The following MAML3 variants were observed in gnomAD, a reference collection of about 807,000 sequenced individuals.
The protein encoded by MAML3 is mastermind-like protein 3.
In MAML3, 27 loss-of-function variants were observed where a neutral mutation model predicts 101.9. That is an observed-to-expected ratio of 0.27 (90% CI 0.20 to 0.37). MAML3 has a LOEUF of 0.37. MAML3 is among the 10% of genes least tolerant of loss of function. The probability of loss-of-function intolerance (pLI) is 1.00; values close to 1 mark genes in which losing one functional copy is unlikely to be tolerated. For synonymous variants in MAML3, 501 were observed against 555.9 expected, an observed-to-expected ratio of 0.90 and a Z score of 1.39; for missense variants, 1,316 against 1,444.9, an observed-to-expected ratio of 0.91 and a Z score of 1.45.
chr4:139,998,884 CCT>C (rs1479620576), intron 1 of MAML3, among the ~76,000 whole-genome samples: 1 of 152,112 alleles, frequency 6.6e-6, no homozygotes, highest in African/African-American at 2.4e-5. Flanking sequence ...ATTTGTTACC[CCT>C]GTTTCTGCAT....
intron 2 of MAML3, among the ~76,000 whole-genome samples, chr4:139,888,253 CCAGTGCTTCTAAAGT>C (rs1732381654): frequency 6.6e-6 from 1 of 152,142 alleles, no homozygotes; most frequent in Non-Finnish European, 1.5e-5. Context: ...GCGTTATTTC[CCAGTGCTTCTAAAGT>C]ACTCAACTGT....
intron 1 of MAML3, among the ~76,000 whole-genome samples, chr4:139,952,151 G>A (rs922561481): frequency 6.6e-6 from 1 of 152,072 alleles, no homozygotes; most frequent in Non-Finnish European, 1.5e-5. Context: ...AGGGACAAAA[G>A]CGAAACTCCA....
At chr4:139,946,175 T>C (rs1223238852) in intron 1 of MAML3, among the ~76,000 whole-genome samples, 5 of 152,224 alleles carry the variant, frequency 3.3e-5, no homozygotes, top group Non-Finnish European at 5.9e-5. Context: ...ATATGTAACA[T>C]TGGAAAACTT....
At chr4:140,097,179 C>T (rs1728178003) in intron 1 of MAML3, among the ~76,000 whole-genome samples, 1 of 152,194 alleles carries the variant, frequency 6.6e-6, no homozygotes, top group Non-Finnish European at 1.5e-5. Context: ...ACCTCCCCAT[C>T]CATGCAAAAC....
intron 2 of MAML3, among the ~76,000 whole-genome samples, chr4:139,831,298 T>A (rs1731159249): frequency 6.6e-6 from 1 of 152,184 alleles, no homozygotes; most frequent in African/African-American, 2.4e-5. Flanking sequence ...TAATGATTTT[T>A]AAAAACCCAA....
At chr4:140,028,744 A>T (rs1248291006) in intron 1 of MAML3, among the ~76,000 whole-genome samples, 1 of 152,126 alleles carries the variant, frequency 6.6e-6, no homozygotes, top group Admixed American at 6.5e-5. Flanking sequence ...TATTCATTTA[A>T]TGCTAGGCCT....
intron 2 of MAML3, among the ~76,000 whole-genome samples, chr4:139,852,228 T>G (rs180701196): frequency 4.3e-4 from 65 of 152,240 alleles, no homozygotes; most frequent in African/African-American, 1.5e-3. Flanking sequence ...GGCATAGCAA[T>G]TTTGGGGGTA....
intron 1 of MAML3, among the ~76,000 whole-genome samples, chr4:140,075,712 T>A (rs1219003862): frequency 6.6e-6 from 1 of 151,312 alleles, no homozygotes; most frequent in South Asian, 2.1e-4. Context: ...AATTTCAAAT[T>A]TTTTTTGTAG....
chr4:140,103,404 T>G (rs1467172392), intron 1 of MAML3, among the ~76,000 whole-genome samples: 4 of 152,178 alleles, frequency 2.6e-5, no homozygotes, highest in Non-Finnish European at 5.9e-5. Context: ...GAACAATAAT[T>G]TAAAGTGGCT....
At chr4:139,749,304 A>G (rs927825507) in intron 2 of MAML3, among the ~76,000 whole-genome samples, 1 of 152,252 alleles carries the variant, frequency 6.6e-6, no homozygotes, top group African/African-American at 2.4e-5. Flanking sequence ...TTAAATGCAA[A>G]AAAAGTTTTC....
intron 1 of MAML3, among the ~76,000 whole-genome samples, chr4:140,091,538 AAAAAC>A (rs1282094243): frequency 4.5e-5 from 1 of 22,206 alleles, no homozygotes; most frequent in African/African-American, 7.5e-5. Context: ...ACAACAAAAC[AAAAAC>A]AAAACAAAAA....
intron 2 of MAML3, among the ~76,000 whole-genome samples, chr4:139,809,457 TACCC>T (rs1730755369): frequency 6.6e-6 from 1 of 152,208 alleles, no homozygotes; most frequent in African/African-American, 2.4e-5. Flanking sequence ...TACCCTCTGT[TACCC>T]ATGCTTATTT....
chr4:139,942,850 G>C (rs1306145761), intron 1 of MAML3, among the ~76,000 whole-genome samples: 1 of 152,096 alleles, frequency 6.6e-6, no homozygotes, highest in Non-Finnish European at 1.5e-5. Context: ...ATCACACAGA[G>C]ACAAACCATT....
intron 2 of MAML3, among the ~76,000 whole-genome samples, chr4:139,768,208 T>C (rs555421969): frequency 6.7e-6 from 1 of 148,702 alleles, no homozygotes; most frequent in South Asian, 2.2e-4. Context: ...GTTGTCTCTT[T>C]ACTCTGTTGA....
chr4:139,954,034 G>A (rs1385098835), intron 1 of MAML3, among the ~76,000 whole-genome samples: 2 of 152,188 alleles, frequency 1.3e-5, no homozygotes, highest in Admixed American at 1.3e-4. Context: ...TTCTGAGGTG[G>A]AGCTCAGGAA....
intron 1 of MAML3, among the ~76,000 whole-genome samples, chr4:140,118,791 C>T (rs1372295865): frequency 6.6e-6 from 1 of 152,160 alleles, no homozygotes; most frequent in African/African-American, 2.4e-5. Context: ...GAGAGCCTAA[C>T]ATTCTCTCCG....
intron 1 of MAML3, among the ~76,000 whole-genome samples, chr4:140,126,371 A>T (rs539797911): frequency 6.6e-6 from 1 of 152,164 alleles, no homozygotes; most frequent in Admixed American, 6.5e-5. Context: ...ATCCTATTGT[A>T]AACCCTCTAA....
rs116474387 is a variant in MAML3, at chr4:139,727,562, C to A, written c.2332-1727G>T. ...CATATAAATCACATAAGCTCAGTTT[C>A]CCCACATAACCTCAGTTCCTCATTT... On this transcript the variant is annotated intron_variant, in intron 3 of 4. Transcript: ENST00000509479. Among the ~76,000 whole-genome samples the A allele has an allele frequency of 9.0e-3, 1,375 of 152,256 alleles. 20 individuals carry two copies. The highest frequency in any genetic ancestry group is 0.032 in the African/African-American group (1,316 of 41,538).
chr4:140,002,814 A>G (rs994362220), intron 1 of MAML3, among the ~76,000 whole-genome samples: 35 of 152,206 alleles, frequency 2.3e-4, no homozygotes, highest in African/African-American at 7.5e-4. Context: ...GGCAGAAAGG[A>G]AACTTGTGCA....
Sources: gnomAD v4.1 joint callset for allele counts (sites outside exome capture counted in the v4.1 genomes callset) on GRCh38, gnomAD v4.1.1 for gene constraint, MANE v1.5 for transcripts, NCBI Gene and HGNC (gene_info 2026-07-23, HGNC 2026-07-21) for gene names.